CSMD1: variants seen among roughly 807,000 people sequenced by gnomAD.
CSMD1 encodes the protein CUB and sushi domain-containing protein 1.
CSMD1 carries 213 observed loss-of-function variants against 417.5 expected under a neutral mutation model. The observed-to-expected ratio is 0.51, with a 90% CI of 0.46 to 0.57. The LOEUF (loss-of-function observed/expected upper bound fraction) is 0.57. Ranked by LOEUF, CSMD1 falls within the 20% of genes least tolerant of loss-of-function variation. CSMD1 has a pLI of 0.00. For synonymous variants in CSMD1, 2,862 were observed against 1,736.8 expected (o/e 1.65, Z -16.11); for missense variants, 6,923 against 4,529.7 (o/e 1.53, Z -15.17).
chr8:4,901,346 TTAG>T (rs1804857918), intron 1 of CSMD1, among the ~76,000 whole-genome samples: 1 of 152,236 alleles, frequency 6.6e-6, no homozygotes, highest in Admixed American at 6.5e-5. Context: ...TATAATGGTA[TTAG>T]AAGTGTAGTT....
intron 3 of CSMD1, among the ~76,000 whole-genome samples, chr8:4,327,702 T>C (rs1390267302): frequency 6.6e-6 from 1 of 152,184 alleles, no homozygotes; most frequent in Non-Finnish European, 1.5e-5. Context: ...CACATAGGTA[T>C]TAGAAGTTTA....
At chr8:4,159,751 G>A (rs555112226) in intron 3 of CSMD1, among the ~76,000 whole-genome samples, 48 of 152,270 alleles carry the variant, frequency 3.2e-4, no homozygotes, top group African/African-American at 1.2e-3. Context: ...ACCACGCCCG[G>A]CTAATTTTTT....
chr8:3,985,425 A>G (rs1193031638), intron 5 of CSMD1, among the ~76,000 whole-genome samples: 1 of 152,042 alleles, frequency 6.6e-6, no homozygotes, highest in East Asian at 1.9e-4. Context: ...TCTTATGTGC[A>G]CACACACACA....
intron 7 of CSMD1, among the ~76,000 whole-genome samples, chr8:3,641,874 T>C (rs753600871): frequency 6.6e-5 from 10 of 152,222 alleles, no homozygotes; most frequent in Non-Finnish European, 1.3e-4. Flanking sequence ...TAACTTCATA[T>C]AAGGTTTCGC....
chr8:3,790,488 G>C (rs1799675604), intron 5 of CSMD1, among the ~76,000 whole-genome samples: 1 of 152,136 alleles, frequency 6.6e-6, no homozygotes, highest in African/African-American at 2.4e-5. Flanking sequence ...AATGATGATG[G>C]TGAGAGTGAT....
intron 50 of CSMD1, among the ~76,000 whole-genome samples, chr8:3,044,881 T>C (rs1811333713): frequency 2.0e-5 from 3 of 152,218 alleles, no homozygotes; most frequent in Admixed American, 1.3e-4. Flanking sequence ...TTTCATACCA[T>C]CATATCATAC....
chr8:3,695,324 CACTT>C (rs935322827), intron 7 of CSMD1, among the ~76,000 whole-genome samples: 2 of 151,978 alleles, frequency 1.3e-5, no homozygotes, highest in African/African-American at 4.8e-5. Context: ...TACCAAAAAA[CACTT>C]AATTTCCTGT....
intron 1 of CSMD1, among the ~76,000 whole-genome samples, chr8:4,944,816 C>T (rs905554092): frequency 6.6e-5 from 10 of 151,790 alleles, no homozygotes; most frequent in African/African-American, 2.2e-4. Flanking sequence ...CAAAATGGTG[C>T]GTGGTGGCTA....
At chr8:4,846,588 T>C (rs1563574026) in intron 1 of CSMD1, among the ~76,000 whole-genome samples, 1 of 152,198 alleles carries the variant, frequency 6.6e-6, no homozygotes, top group East Asian at 1.9e-4. Context: ...CTACCCCCTG[T>C]AGGAGGCTCA....
At chr8:3,940,596 A>G (rs953161872) in intron 5 of CSMD1, among the ~76,000 whole-genome samples, 1 of 151,664 alleles carries the variant, frequency 6.6e-6, no homozygotes, top group Non-Finnish European at 1.5e-5. Context: ...ACAACAAAAA[A>G]GAACATATAC....
rs536570540 is a variant in CSMD1 at position 4,014,167 on chromosome 8, T to C, written c.611-16057A>G. ...TAATTGTGGTGAACTGTCATAACATTAGAAATGCATTCATTAAGTTTGCAA... is the reference window on the plus strand; with the variant it reads ...TAATTGTGGTGAACTGTCATAACATCAGAAATGCATTCATTAAGTTTGCAA... On this transcript the variant is annotated intron_variant, in intron 4 of 69. Coordinates refer to ENST00000635120, the MANE Select transcript of CSMD1 (RefSeq NM_033225.6). Among the ~76,000 whole-genome samples, 11 of 152,304 alleles carry C rather than the reference T, an allele frequency of 7.2e-5. No individual in the cohort carries two copies. The East Asian group carries it at 7.7e-4, about 11-fold the overall frequency.
chr8:3,332,031 C>T (rs1467796605), intron 23 of CSMD1, among the ~76,000 whole-genome samples: 1 of 151,982 alleles, frequency 6.6e-6, no homozygotes, highest in Non-Finnish European at 1.5e-5. Flanking sequence ...TGGATATAGA[C>T]AGAATGATAA....
chr8:4,619,224 A>G (rs892578364), intron 2 of CSMD1, among the ~76,000 whole-genome samples: 6 of 152,150 alleles, frequency 3.9e-5, no homozygotes, highest in Admixed American at 3.9e-4. Context: ...CACCACCCCA[A>G]ATAGTTTTTG....
intron 5 of CSMD1, among the ~76,000 whole-genome samples, chr8:3,841,892 G>A (rs909353688): frequency 6.6e-6 from 1 of 151,618 alleles, no homozygotes; most frequent in Admixed American, 6.6e-5. Flanking sequence ...CACTGGCCAC[G>A]GCAAAGCCTT....
intron 30 of CSMD1, among the ~76,000 whole-genome samples, chr8:3,208,663 GATTA>G (rs1272100030): frequency 6.6e-6 from 1 of 152,180 alleles, no homozygotes; most frequent in African/African-American, 2.4e-5. Flanking sequence ...TGCCCAAGGA[GATTA>G]ATATTTGAGT....
At chr8:3,711,710 C>T (rs1216333809) in intron 6 of CSMD1, among the ~76,000 whole-genome samples, 2 of 152,130 alleles carry the variant, frequency 1.3e-5, no homozygotes, top group African/African-American at 4.8e-5. Context: ...GCCAGCTCTC[C>T]CCAGGATAAT....
chr8:3,340,093 T>C (rs562274683), intron 23 of CSMD1, among the ~76,000 whole-genome samples: 30 of 152,308 alleles, frequency 2.0e-4, no homozygotes, highest in Middle Eastern at 3.4e-3. Flanking sequence ...GTCAATATAC[T>C]TGATGCCTGC....
At chr8:4,251,529 A>C (rs549454505) in intron 3 of CSMD1, among the ~76,000 whole-genome samples, 1 of 152,194 alleles carries the variant, frequency 6.6e-6, no homozygotes, top group Non-Finnish European at 1.5e-5. Context: ...TAAATAGCCT[A>C]AATGATCTCT....
chr8:4,437,436 G>C (rs763496024), intron 2 of CSMD1, among the ~76,000 whole-genome samples: 1 of 152,104 alleles, frequency 6.6e-6, no homozygotes, highest in African/African-American at 2.4e-5. Context: ...ATGATTATCC[G>C]TAAAATCAGA....
Sources: gnomAD v4.1 joint callset for allele counts (sites outside exome capture counted in the v4.1 genomes callset) on GRCh38, gnomAD v4.1.1 for gene constraint, MANE v1.5 for transcripts, NCBI Gene and HGNC (gene_info 2026-07-23, HGNC 2026-07-21) for gene names.